The following HIGD1A variants were observed in gnomAD, a reference collection of about 807,000 sequenced individuals.
The protein encoded by HIGD1A is HIG1 domain family member 1A, mitochondrial.
In HIGD1A, 8 loss-of-function variants were observed where a neutral mutation model predicts 11.3. The observed-to-expected ratio is 0.71, with a 90% CI of 0.42 to 1.28. The LOEUF (loss-of-function observed/expected upper bound fraction) is 1.28, where lower values mean the gene tolerates loss of function less well. HIGD1A is among the 50% of genes most tolerant of loss of function. The probability of loss-of-function intolerance (pLI) is 0.01; values close to 1 mark genes in which losing one functional copy is unlikely to be tolerated. For synonymous variants in HIGD1A, 32 were observed against 38.4 expected, an observed-to-expected ratio of 0.83 and a Z score of 0.62; for missense variants, 107 against 118.8, an observed-to-expected ratio of 0.90 and a Z score of 0.46.
chr3:42,796,871 T>G (rs914322088), intron 1 of HIGD1A, among the ~76,000 whole-genome samples: 3 of 133,828 alleles, frequency 2.2e-5, no homozygotes, highest in African/African-American at 8.2e-5. Flanking sequence ...GGTTAGAATC[T>G]TATAACTTCC....
chr3:42,801,543 C>A (rs1700562367), intron 1 of HIGD1A, among the ~76,000 whole-genome samples: 1 of 152,150 alleles, frequency 6.6e-6, no homozygotes, highest in Admixed American at 6.5e-5. Context: ...AGTTACATTT[C>A]TCAACAACTG....
chr3:42,804,022 C>T, intron 1 of HIGD1A: 1 of 807,316 alleles, frequency 1.2e-6, no homozygotes, highest in Non-Finnish European at 1.9e-6. Context: ...TATCCCGCCT[C>T]GCCTGCCGCT....
intron 2 of HIGD1A, among the ~76,000 whole-genome samples, chr3:42,791,658 G>A (rs1162736927): frequency 3.9e-5 from 6 of 152,110 alleles, no homozygotes; most frequent in Admixed American, 6.6e-5. Context: ...CTCCTATGTC[G>A]TCAATACAGC....
chr3:42,794,365 T>A, intron 1 of HIGD1A, 90 bp from the exon 2 acceptor site: 1 of 1,212,650 alleles, frequency 8.2e-7, no homozygotes, highest in Non-Finnish European at 1.1e-6. Flanking sequence ...CTAACTTCCA[T>A]GAGAATCTTA....
At chr3:42,796,448 A>ATTT (rs1700501146) in intron 1 of HIGD1A, among the ~76,000 whole-genome samples, 72 of 134,362 alleles carry the variant, frequency 5.4e-4, no homozygotes, top group African/African-American at 6.3e-4. Flanking sequence ...TTTTTTTTTA[A>ATTT]AAAAAAAAGA....
At chr3:42,803,922 A>C (rs903901537) in intron 1 of HIGD1A, among the ~76,000 whole-genome samples, 2 of 152,142 alleles carry the variant, frequency 1.3e-5, no homozygotes, top group Admixed American at 1.3e-4. Context: ...GTCCTCTGCT[A>C]GTACGCCCTC....
intron 3 of HIGD1A, among the ~76,000 whole-genome samples, chr3:42,785,588 T>C (rs1700339640): frequency 6.6e-6 from 1 of 152,208 alleles, no homozygotes; most frequent in Admixed American, 6.5e-5. Flanking sequence ...CAATCAATAT[T>C]TATCTGGTAA....
At chr3:42,785,912 A>T (rs1375766152) in intron 3 of HIGD1A, 116 bp downstream of exon 3, 5 of 870,664 alleles carry the variant, frequency 5.7e-6, no homozygotes, top group Non-Finnish European at 9.3e-6. Context: ...CATGAAAATG[A>T]GTATAAGTGA....
intron 2 of HIGD1A, among the ~76,000 whole-genome samples, chr3:42,793,384 T>C (rs62246629): frequency 0.28 from 42,881 of 152,038 alleles, 6,137 homozygotes; most frequent in Middle Eastern, 0.34. Flanking sequence ...TGGGCTTCCC[T>C]AGATGGCAAG....
intron 2 of HIGD1A, 36 bp downstream of exon 2, chr3:42,794,121 C>T (rs201231201): frequency 6.3e-7 from 1 of 1,580,542 alleles, no homozygotes; most frequent in Admixed American, 1.9e-5. Context: ...ACGGCTCTAC[C>T]ATATTCAAGA....
rs1383516264 is a variant in HIGD1A, at chr3:42,787,594, A to AAAAAAAAT, written c.98-1433_98-1432insATTTTTTT. The stretch of plus-strand genomic sequence containing the variant: ...CGACAGAGCGAGACTCCATCTCAAA[A>AAAAAAAAT]ATATATATATATATATATATATATA... On this transcript the variant is annotated intron_variant, in intron 2 of 3. Transcript: ENST00000321331. 2.5e-3 allele frequency among the ~76,000 whole-genome samples: 355 copies of AAAAAAAAT among 141,226 alleles called. 6 individuals carry two copies. Among genetic ancestry groups the AAAAAAAAT allele is most frequent in the East Asian group, 0.01 (48 of 4,730 alleles). The allele number at this position is 141,226 out of a possible 152,430, so 92.6% of individuals were successfully genotyped here.
At chr3:42,793,554 T>A (rs1700454710) in intron 2 of HIGD1A, among the ~76,000 whole-genome samples, 1 of 152,254 alleles carries the variant, frequency 6.6e-6, no homozygotes, top group South Asian at 2.1e-4. Flanking sequence ...CTATATCCCA[T>A]TGCTGTAATA....
chr3:42,796,629 A>T (rs1390234901), intron 1 of HIGD1A, among the ~76,000 whole-genome samples: 1 of 152,150 alleles, frequency 6.6e-6, no homozygotes, highest in Non-Finnish European at 1.5e-5. Context: ...TTCAGGGATC[A>T]GTTTTTAAGG....
At chr3:42,796,432 G>T (rs1447828683) in intron 1 of HIGD1A, among the ~76,000 whole-genome samples, 4 of 111,700 alleles carry the variant, frequency 3.6e-5, no homozygotes, top group African/African-American at 8.0e-5. Flanking sequence ...AAAATTAGTT[G>T]TTGTTTTTTT....
chr3:42,786,754 T>A (rs1575357198), intron 2 of HIGD1A, among the ~76,000 whole-genome samples: 1 of 152,302 alleles, frequency 6.6e-6, no homozygotes, highest in South Asian at 2.1e-4. Flanking sequence ...GACATGACCT[T>A]CCATGTTTTC....
At chr3:42,792,855 A>T (rs1575360780) in intron 2 of HIGD1A, among the ~76,000 whole-genome samples, 1 of 151,456 alleles carries the variant, frequency 6.6e-6, no homozygotes. Flanking sequence ...GGCGGCGGGC[A>T]CCTATAATTC....
At chr3:42,803,001 G>A (rs1700587217) in intron 1 of HIGD1A, among the ~76,000 whole-genome samples, 1 of 152,228 alleles carries the variant, frequency 6.6e-6, no homozygotes, top group African/African-American at 2.4e-5. Flanking sequence ...ATCTTCTTCA[G>A]TGACTTAACT....
At position 42,795,796 on chromosome 3, in the gene HIGD1A, G is replaced by C. The variant is rs541835759; in HGVS notation, c.-22-1521C>G. Among the ~76,000 whole-genome samples, 7 of 151,256 alleles carry C rather than the reference G, an allele frequency of 4.6e-5. No individual in the cohort carries two copies. The East Asian group carries it at 1.2e-3, about 25-fold the overall frequency. The stretch of plus-strand genomic sequence containing the variant: ...CCTTTCCTCCTTTTCAGTCATCTCC[G>C]TGAATAGCCCTTTTATCACAATGAG... On this transcript the variant is annotated intron_variant, in intron 1 of 3. Coordinates refer to ENST00000321331, the MANE Select transcript of HIGD1A (RefSeq NM_014056.4).
intron 2 of HIGD1A, among the ~76,000 whole-genome samples, chr3:42,786,462 G>T (rs903783503): frequency 1.3e-5 from 2 of 152,114 alleles, no homozygotes; most frequent in African/African-American, 2.4e-5. Flanking sequence ...TTATCAGAAC[G>T]AAAGTGTGCC....
Sources: gnomAD v4.1 joint callset for allele counts (sites outside exome capture counted in the v4.1 genomes callset) on GRCh38, gnomAD v4.1.1 for gene constraint, MANE v1.5 for transcripts, NCBI Gene and HGNC (gene_info 2026-07-23, HGNC 2026-07-21) for gene names.